The following NEDD4L variants were observed in gnomAD, a reference collection of about 807,000 sequenced individuals.
NEDD4L encodes E3 ubiquitin-protein ligase NEDD4-like.
Under a neutral mutation model 148.9 loss-of-function variants are expected in NEDD4L, and 54 were observed. The observed-to-expected ratio is 0.36, with a 90% CI of 0.29 to 0.45. The LOEUF (loss-of-function observed/expected upper bound fraction) is 0.45, where lower values mean the gene tolerates loss of function less well. NEDD4L is among the 20% of genes least tolerant of loss of function. NEDD4L has a pLI of 1.00. For missense variants in NEDD4L, 856 were observed against 1,233.8 expected, an observed-to-expected ratio of 0.69 and a Z score of 4.59; for synonymous variants, 433 against 440.7, an observed-to-expected ratio of 0.98 and a Z score of 0.22.
At chr18:58,356,279 TTTC>T (rs1480905178) in intron 18 of NEDD4L, among the ~76,000 whole-genome samples, 7 of 143,914 alleles carry the variant, frequency 4.9e-5, no homozygotes, top group African/African-American at 1.9e-4. Flanking sequence ...TTCAAATAAT[TTTC>T]TTCTTCTTTT....
At chr18:58,301,904 G>A (rs574660238) in intron 5 of NEDD4L, among the ~76,000 whole-genome samples, 135 of 152,236 alleles carry the variant, frequency 8.9e-4, no homozygotes, top group African/African-American at 2.3e-3. Flanking sequence ...CCCTACAGGC[G>A]CCCTATGGAG....
At chr18:58,242,853 A>G (rs2046810883) in intron 2 of NEDD4L, among the ~76,000 whole-genome samples, 1 of 152,138 alleles carries the variant, frequency 6.6e-6, no homozygotes, top group Non-Finnish European at 1.5e-5. Flanking sequence ...GCCAGCTCCA[A>G]GATGTTGGCC....
intron 13 of NEDD4L, chr18:58,335,803 A>G: frequency 3.0e-6 from 1 of 338,660 alleles, no homozygotes; most frequent in South Asian, 4.0e-5. Context: ...CATTTAGAAG[A>G]TATTTTTGAC....
chr18:58,285,850 A>G (rs568695625), intron 5 of NEDD4L, among the ~76,000 whole-genome samples: 128 of 152,346 alleles, frequency 8.4e-4, no homozygotes, highest in Admixed American at 1.4e-3. Context: ...CTCATTCTTC[A>G]ACTCTTTACC....
intron 2 of NEDD4L, among the ~76,000 whole-genome samples, chr18:58,221,093 T>TC (rs768337354): frequency 6.6e-6 from 1 of 152,220 alleles, no homozygotes; most frequent in Non-Finnish European, 1.5e-5. Context: ...CCTGTTTTTT[T>TC]CCCCTCTTCA....
intron 1 of NEDD4L, among the ~76,000 whole-genome samples, chr18:58,121,948 A>G (rs1217743372): frequency 6.6e-6 from 1 of 151,968 alleles, no homozygotes; most frequent in Non-Finnish European, 1.5e-5. Context: ...TGTTTTTTCT[A>G]TGTTTTTATA....
intron 6 of NEDD4L, 103 bp from the exon 7 acceptor site, chr18:58,322,322 C>T: frequency 1.2e-6 from 1 of 831,766 alleles, no homozygotes; most frequent in Non-Finnish European, 2.0e-6. Flanking sequence ...AGCGGTGCCA[C>T]ATTCTAAAAT....
In NEDD4L at chr18:58,325,033, C is replaced by T. The variant is rs532202382; in HGVS notation, c.551C>T (p.Ser184Phe). 2.9e-5 allele frequency: 46 copies of T among 1,613,984 alleles called. No individual in the cohort carries two copies. The South Asian group carries it at 4.6e-4, about 16-fold the overall frequency. ...WEVVDSNDSA[S>F]QHQEELPPPP... is the part of the protein sequence containing the mutation. ...GTTGTTGACTCAAATGACTCGGCTTCTCAGCACCAAGAGGAACTTCCTCCT... is the reference window on the plus strand; with the variant it reads ...GTTGTTGACTCAAATGACTCGGCTTTTCAGCACCAAGAGGAACTTCCTCCT... The change falls in exon 9 of 31, where the codon TCT (serine) becomes TTT (phenylalanine). Residue 184 changes from serine (S) to phenylalanine (F), a missense_variant. Ser to Phe is a radical substitution (Grantham distance 155). Coordinates refer to ENST00000400345, the MANE Select transcript of NEDD4L (RefSeq NM_001144967.3).
At chr18:58,234,883 T>G (rs1341726722) in intron 2 of NEDD4L, among the ~76,000 whole-genome samples, 2 of 152,156 alleles carry the variant, frequency 1.3e-5, no homozygotes, top group Non-Finnish European at 2.9e-5. Context: ...GGGGGCTGCC[T>G]GTTCAGACAT....
chr18:58,365,289 A>G (rs1205420000), intron 20 of NEDD4L, among the ~76,000 whole-genome samples: 1 of 152,164 alleles, frequency 6.6e-6, no homozygotes, highest in Non-Finnish European at 1.5e-5. Flanking sequence ...GTCCCCTGGT[A>G]ATGATGATGA....
intron 6 of NEDD4L, among the ~76,000 whole-genome samples, chr18:58,318,847 C>T (rs1015340666): frequency 6.6e-6 from 1 of 152,204 alleles, no homozygotes. Context: ...TGCCCAGCCA[C>T]AAAATCTCTT....
chr18:58,361,095 C>T (rs577634068), intron 19 of NEDD4L, among the ~76,000 whole-genome samples: 157 of 152,254 alleles, frequency 1.0e-3, no homozygotes, highest in Middle Eastern at 6.8e-3. Context: ...GTTCTTTCTC[C>T]ATCATGTAGA....
In NEDD4L at chr18:58,341,065, C is replaced by T. The variant is rs2042357566; in HGVS notation, c.1153C>T (p.Pro385Ser). The change falls in exon 14 of 31, where the codon CCG (proline) becomes TCG (serine). Residue 385 changes from proline to serine, a missense_variant. Around this residue, in one of 4 missense-constraint regions of NEDD4L, gnomAD observed 367 missense variants for 422.7 expected, o/e 0.87. Coordinates refer to ENST00000400345, the MANE Select transcript of NEDD4L (RefSeq NM_001144967.3). ...ATCAGTGGCCTATGTACATACCACGCCGGGTCTGCCTTCAGGCTGGGAAGA... is the reference window on the plus strand; with the variant it reads ...ATCAGTGGCCTATGTACATACCACGTCGGGTCTGCCTTCAGGCTGGGAAGA... ...TPSVAYVHTT[P>S]GLPSGWEERK... The T allele has an allele frequency of 6.2e-7, 1 of 1,610,892 alleles. No homozygotes were observed. Among genetic ancestry groups the T allele is most frequent in the East Asian group, 2.2e-5 (1 of 44,820 alleles).
chr18:58,125,188 C>T (rs879363637), intron 1 of NEDD4L, among the ~76,000 whole-genome samples: 7 of 152,200 alleles, frequency 4.6e-5, no homozygotes, highest in East Asian at 1.9e-4. Flanking sequence ...TGTGAGGCAT[C>T]GCGCCTGGCC....
intron 11 of NEDD4L, among the ~76,000 whole-genome samples, chr18:58,332,576 AG>A (rs1364898412): frequency 6.6e-6 from 1 of 152,192 alleles, no homozygotes; most frequent in Non-Finnish European, 1.5e-5. Flanking sequence ...TGAACCCAGG[AG>A]GCAGAGGTTG....
intron 1 of NEDD4L, among the ~76,000 whole-genome samples, chr18:58,116,629 T>A (rs1416326017): frequency 2.6e-5 from 4 of 152,134 alleles, no homozygotes; most frequent in Non-Finnish European, 5.9e-5. Flanking sequence ...ACCAGAGAAA[T>A]AACAAAAGCA....
chr18:58,099,219 C>T (rs926839325), intron 1 of NEDD4L, among the ~76,000 whole-genome samples: 2 of 151,608 alleles, frequency 1.3e-5, no homozygotes, highest in Non-Finnish European at 2.9e-5. Flanking sequence ...TTTTCTCTTG[C>T]ACAGGCTGAA....
intron 2 of NEDD4L, among the ~76,000 whole-genome samples, chr18:58,174,911 G>A (rs759887011): frequency 6.6e-6 from 1 of 151,670 alleles, no homozygotes; most frequent in African/African-American, 2.4e-5. Flanking sequence ...TTCTTTCTTT[G>A]CCCTTCTTTG....
At chr18:58,291,829 A>G (rs1443896190) in intron 5 of NEDD4L, among the ~76,000 whole-genome samples, 2 of 151,998 alleles carry the variant, frequency 1.3e-5, no homozygotes, top group Non-Finnish European at 2.9e-5. Flanking sequence ...GGTAATGGCT[A>G]GTATAAAGAT....
Sources: allele counts gnomAD v4.1 joint callset (sites outside exome capture counted in the v4.1 genomes callset), GRCh38; gene constraint gnomAD v4.1.1; regional missense constraint gnomAD v4.1.1; transcripts MANE v1.5; gene names NCBI Gene and HGNC (gene_info 2026-07-23, HGNC 2026-07-21).